ZNF831: variants seen among roughly 807,000 people sequenced by gnomAD.
ZNF831 encodes the protein chromosome 20 open reading frame 174.
Under a neutral mutation model 95.8 loss-of-function variants are expected in ZNF831, and 59 were observed. The ratio of observed to expected loss-of-function variants is 0.62; its 90% CI spans 0.50 to 0.77. ZNF831 has a LOEUF of 0.77. ZNF831 is among the 30% of genes least tolerant of loss of function. ZNF831 has a pLI of 0.00. For missense variants in ZNF831, 2,205 were observed against 2,164.0 expected (o/e 1.02, Z -0.38); for synonymous variants, 961 against 925.5 (o/e 1.04, Z -0.70).
intron 1 of ZNF831, among the ~76,000 whole-genome samples, chr20:59,125,065 G>T (rs1485612036): frequency 1.3e-5 from 2 of 152,194 alleles, no homozygotes; most frequent in Non-Finnish European, 2.9e-5. Flanking sequence ...GAGGCTCAAA[G>T]AAGAGAGATG....
chr20:59,171,652 A>G (rs1981745783), intron 1 of ZNF831, among the ~76,000 whole-genome samples: 10 of 152,266 alleles, frequency 6.6e-5, no homozygotes, highest in Admixed American at 6.5e-4. Context: ...ACTTCCAATA[A>G]CTCATATATA....
chr20:59,216,570 G>A (rs1985693218), intron 4 of ZNF831, among the ~76,000 whole-genome samples: 1 of 152,330 alleles, frequency 6.6e-6, no homozygotes, highest in South Asian at 2.1e-4. Flanking sequence ...TGGGCATGCT[G>A]CCTGTGCCAG....
intron 2 of ZNF831, among the ~76,000 whole-genome samples, chr20:59,147,481 G>C (rs1473181542): frequency 6.6e-6 from 1 of 152,240 alleles, no homozygotes; most frequent in Non-Finnish European, 1.5e-5. Flanking sequence ...CTGGCCCTTG[G>C]ATGTCTGGCC....
At chr20:59,194,837 G>C (rs543802154) in intron 2 of ZNF831, 80 bp downstream of exon 2, 3 of 1,449,204 alleles carry the variant, frequency 2.1e-6, no homozygotes, top group Non-Finnish European at 2.7e-6. Flanking sequence ...AGGGAAGGAA[G>C]TCTGAAGCCG....
Position 59,254,835 on chromosome 20 carries a change from T to C in ZNF831, c.*92T>C, listed in dbSNP as rs1365232824. The C allele has an allele frequency of 6.7e-7, 1 of 1,490,150 alleles. No homozygotes were observed. The highest frequency in any genetic ancestry group is 2.3e-5 in the Admixed American group (1 of 44,106). 92.3% of individuals were successfully genotyped at this position (1,490,150 alleles called of 1,614,324 possible). On this transcript the variant is annotated 3_prime_UTR_variant, in exon 6 of 6. Transcript: ENST00000371030. This position sits in a 1 kb window ranked among gnomAD's most constrained non-coding sequence, Gnocchi z 4.5. ...GCTGGCGGAAGAACTAAACTCTATCTGTGAAACACCTACAGATTAGGAAAG... is the reference window on the plus strand; with the variant it reads ...GCTGGCGGAAGAACTAAACTCTATCCGTGAAACACCTACAGATTAGGAAAG...
chr20:59,173,184 C>T (rs912256638), intron 1 of ZNF831, among the ~76,000 whole-genome samples: 1 of 152,184 alleles, frequency 6.6e-6, no homozygotes, highest in African/African-American at 2.4e-5. Flanking sequence ...TTCTCTAGGT[C>T]CAACAAGATG....
intron 1 of ZNF831, among the ~76,000 whole-genome samples, chr20:59,184,343 G>C (rs1222561152): frequency 6.6e-6 from 1 of 152,132 alleles, no homozygotes; most frequent in Non-Finnish European, 1.5e-5. Context: ...TCAGTGTGCA[G>C]GTTTTTGTGT....
rs1454720781 is a variant in ZNF831, at chr20:59,208,269, G to A, written c.4027+1213G>A. Reference sequence around the variant, plus strand: ...TCCATCTCCCTCCTCTGTATCCAGCGAAATTGCCCATTGGGCTGTGCTTGA... The same window carrying A: ...TCCATCTCCCTCCTCTGTATCCAGCAAAATTGCCCATTGGGCTGTGCTTGA... On this transcript the variant is annotated intron_variant, in intron 4 of 5. Coordinates refer to ENST00000371030, the MANE Select transcript of ZNF831 (RefSeq NM_178457.3). This position sits in a 1 kb window ranked among gnomAD's most constrained non-coding sequence, Gnocchi z 4.2. Among the ~76,000 whole-genome samples, 2 of 152,154 alleles carry A rather than the reference G, an allele frequency of 1.3e-5. No individual in the cohort carries two copies. The highest frequency in any genetic ancestry group is 2.9e-5 in the Non-Finnish European group (2 of 68,024).
intron 1 of ZNF831, among the ~76,000 whole-genome samples, chr20:59,135,811 C>T (rs1273327710): frequency 3.9e-5 from 6 of 152,126 alleles, no homozygotes; most frequent in Admixed American, 2.6e-4. Flanking sequence ...AAAGTAATTG[C>T]GGTTTTTGCC....
intron 1 of ZNF831, among the ~76,000 whole-genome samples, chr20:59,140,074 C>G (rs535000797): frequency 1.2e-4 from 18 of 152,160 alleles, no homozygotes; most frequent in Non-Finnish European, 1.6e-4. Flanking sequence ...TGCATTGTGT[C>G]ATGGTTTAAT....
intron 4 of ZNF831, among the ~76,000 whole-genome samples, chr20:59,214,287 G>C (rs1985537072): frequency 6.6e-6 from 1 of 152,202 alleles, no homozygotes; most frequent in African/African-American, 2.4e-5. Context: ...AATGGATTGA[G>C]TTGTTATGGT....
At chr20:59,167,560 TC>T (rs557442472) in intron 1 of ZNF831, among the ~76,000 whole-genome samples, 4 of 152,138 alleles carry the variant, frequency 2.6e-5, no homozygotes, top group Non-Finnish European at 5.9e-5. Flanking sequence ...GTGCTTTTTT[TC>T]CCCTAAGCTT....
At chr20:59,140,804 T>A (rs1041261383) in intron 1 of ZNF831, among the ~76,000 whole-genome samples, 1 of 152,188 alleles carries the variant, frequency 6.6e-6, no homozygotes, top group Non-Finnish European at 1.5e-5. Context: ...TCATTTACCA[T>A]TGAGTTTGGA....
chr20:59,205,325 T>G (rs779452399), intron 3 of ZNF831, among the ~76,000 whole-genome samples: 29 of 152,162 alleles, frequency 1.9e-4, no homozygotes, highest in Non-Finnish European at 3.5e-4. Context: ...CTGGCTCAGA[T>G]AGCTCTTTCA....
intron 2 of ZNF831, among the ~76,000 whole-genome samples, chr20:59,154,341 G>T (rs148384145): frequency 9.1e-4 from 138 of 152,304 alleles, no homozygotes; most frequent in African/African-American, 3.0e-3. Context: ...ACATAACCGT[G>T]TTGGGACAGG....
At chr20:59,143,935 T>G (rs1979758952) in intron 1 of ZNF831, among the ~76,000 whole-genome samples, 3 of 152,186 alleles carry the variant, frequency 2.0e-5, no homozygotes, top group South Asian at 4.1e-4. Context: ...CTTTAATGGA[T>G]TCTATAAAAT....
chr20:59,218,370 T>C (rs1159316048), intron 4 of ZNF831, among the ~76,000 whole-genome samples: 2 of 152,228 alleles, frequency 1.3e-5, no homozygotes, highest in Non-Finnish European at 2.9e-5. Context: ...CTTTAAACTC[T>C]GCATGCCTGT....
At chr20:59,214,557 A>G (rs775918782) in intron 4 of ZNF831, among the ~76,000 whole-genome samples, 9 of 152,182 alleles carry the variant, frequency 5.9e-5, no homozygotes, top group Non-Finnish European at 1.0e-4. Flanking sequence ...ACAGCAAATC[A>G]TGTCTTGAAA....
Position 59,194,038 on chromosome 20 carries a change from G to A in ZNF831, c.3019G>A (p.Asp1007Asn), listed in dbSNP as rs763927843. ...AGGTGAGGCGGACAGCATCCTGGAGGACCCCAGCTGTTCCAGGCCACAGGA... is the reference window on the plus strand; with the variant it reads ...AGGTGAGGCGGACAGCATCCTGGAGAACCCCAGCTGTTCCAGGCCACAGGA... ...SPGEADSILEDPSCSRPQDGR... is the reference protein window; with the variant it reads ...SPGEADSILENPSCSRPQDGR... The change falls in exon 2 of 6, where the codon GAC becomes AAC. Residue 1007 changes from aspartate (D) to asparagine (N), a missense_variant. Transcript: ENST00000371030. The A allele has an allele frequency of 3.7e-5, 56 of 1,526,818 alleles. No individual in the cohort carries two copies. Among genetic ancestry groups the A allele is most frequent in the Non-Finnish European group, 4.7e-5 (54 of 1,139,268 alleles). 94.6% of individuals were successfully genotyped at this position (1,526,818 alleles called of 1,614,324 possible).
Sources: gnomAD v4.1 joint callset for allele counts (sites outside exome capture counted in the v4.1 genomes callset) on GRCh38, gnomAD v4.1.1 for gene constraint, Gnocchi (gnomAD v3.1) non-coding constraint, MANE v1.5 for transcripts, NCBI Gene and HGNC (gene_info 2026-07-23, HGNC 2026-07-21) for gene names.